COLEC12: variants seen among roughly 807,000 people sequenced by gnomAD.
The protein encoded by COLEC12 is collectin-12.
A neutral mutation model predicts 71.1 loss-of-function variants in COLEC12; 33 were observed. That is an observed-to-expected ratio of 0.46 (90% CI 0.35 to 0.62). The LOEUF (loss-of-function observed/expected upper bound fraction) is 0.62, where lower values mean the gene tolerates loss of function less well. COLEC12 is among the 20% of genes least tolerant of loss of function. COLEC12 has a pLI of 0.00. For synonymous variants in COLEC12, 350 were observed against 353.0 expected (o/e 0.99, Z 0.10); for missense variants, 765 against 916.1 (o/e 0.84, Z 2.13).
chr18:445,635 C>CTTTTTTT (rs35766404), intron 2 of COLEC12, among the ~76,000 whole-genome samples: 1,934 of 137,342 alleles, frequency 0.014, 91 homozygotes, highest in African/African-American at 0.049. Context: ...CACTAATCCA[C>CTTTTTTT]TTTTTTTTTT....
chr18:332,030 C>A (rs983816994), intron 7 of COLEC12, among the ~76,000 whole-genome samples: 4 of 152,172 alleles, frequency 2.6e-5, no homozygotes, highest in Non-Finnish European at 4.4e-5. Flanking sequence ...ATCACTCAGA[C>A]AACCCAGTGA....
At chr18:329,091 A>C (rs1913911280) in intron 8 of COLEC12, among the ~76,000 whole-genome samples, 1 of 152,168 alleles carries the variant, frequency 6.6e-6, no homozygotes, top group Non-Finnish European at 1.5e-5. Flanking sequence ...CTGGGTGCCC[A>C]GTAAGGTGTC....
At chr18:413,142 AC>A (rs376114747) in intron 2 of COLEC12, among the ~76,000 whole-genome samples, 9 of 152,366 alleles carry the variant, frequency 5.9e-5, no homozygotes, top group African/African-American at 2.2e-4. Context: ...AAAGGAATTA[AC>A]TGAACGACAA....
chr18:347,611 G>A (rs988076965), intron 4 of COLEC12, among the ~76,000 whole-genome samples: 1 of 152,072 alleles, frequency 6.6e-6, no homozygotes, highest in African/African-American at 2.4e-5. Flanking sequence ...TTAGGGCAGT[G>A]GGCAGGCTGT....
intron 2 of COLEC12, among the ~76,000 whole-genome samples, chr18:372,397 G>A (rs1915019490): frequency 6.6e-6 from 1 of 152,022 alleles, no homozygotes; most frequent in Non-Finnish European, 1.5e-5. Flanking sequence ...CATTTTGGAG[G>A]GTATAACTGA....
chr18:381,997 C>G (rs11662068), intron 2 of COLEC12, among the ~76,000 whole-genome samples: 89,886 of 151,790 alleles, frequency 0.59, 27,202 homozygotes, highest in East Asian at 0.64. Context: ...TGATCTCTTA[C>G]AGACTTAAAA....
chr18:494,988 A>G (rs1350244815), intron 1 of COLEC12, among the ~76,000 whole-genome samples: 3 of 152,212 alleles, frequency 2.0e-5, no homozygotes, highest in African/African-American at 7.2e-5. Flanking sequence ...TATTTTTAAG[A>G]GTATTGATGG....
chr18:401,809 C>G (rs1915692476), intron 2 of COLEC12, among the ~76,000 whole-genome samples: 1 of 152,162 alleles, frequency 6.6e-6, no homozygotes, highest in African/African-American at 2.4e-5. Context: ...TTCAAGCCCT[C>G]TCTCTTCAGG....
At chr18:488,128 G>A (rs1917553070) in intron 1 of COLEC12, among the ~76,000 whole-genome samples, 1 of 152,056 alleles carries the variant, frequency 6.6e-6, no homozygotes, top group Non-Finnish European at 1.5e-5. Flanking sequence ...CAGAGAAAAA[G>A]GGCTGGGCAC....
chr18:368,973 T>A (rs1914933496), intron 2 of COLEC12, among the ~76,000 whole-genome samples: 1 of 152,246 alleles, frequency 6.6e-6, no homozygotes, highest in Admixed American at 6.5e-5. Context: ...TACTGACTGG[T>A]GACCCCCAAT....
At chr18:499,397 G>A (rs185262347) in intron 1 of COLEC12, among the ~76,000 whole-genome samples, 163 of 152,290 alleles carry the variant, frequency 1.1e-3, no homozygotes, top group African/African-American at 3.8e-3. Context: ...TAGTTCCGCG[G>A]GAGCTGCCCT....
chr18:361,637 C>T (rs1223718272), intron 2 of COLEC12, among the ~76,000 whole-genome samples: 1 of 152,180 alleles, frequency 6.6e-6, no homozygotes, highest in Non-Finnish European at 1.5e-5. Flanking sequence ...TGAAAAAAGA[C>T]TCTTTACATC....
chr18:441,187 G>A lies in COLEC12; in HGVS notation c.58+39520C>T, dbSNP rs370232269. On this transcript the variant is annotated intron_variant, in intron 2 of 9. Coordinates refer to ENST00000400256, the MANE Select transcript of COLEC12 (RefSeq NM_130386.3). ...GGCGTGAACCCGGGAGGCGGAGCTT[G>A]CAGTGAGCCGAGATTGTGCCACTGC... Among the ~76,000 whole-genome samples, 169 of 149,894 alleles carry A rather than the reference G, an allele frequency of 1.1e-3. 4 individuals are homozygous for A. In the East Asian group the frequency reaches 0.028, roughly 25 times the overall value.
chr18:413,228 C>T (rs28760031), intron 2 of COLEC12, among the ~76,000 whole-genome samples: 7 of 152,086 alleles, frequency 4.6e-5, no homozygotes, highest in African/African-American at 1.4e-4. Flanking sequence ...AGATGGATGG[C>T]AAATAAACAC....
intron 1 of COLEC12, among the ~76,000 whole-genome samples, chr18:498,067 A>AACTG (rs1917745426): frequency 6.6e-6 from 1 of 152,162 alleles, no homozygotes; most frequent in South Asian, 2.1e-4. Context: ...CACACGGGGT[A>AACTG]ACTGACAAGG....
At position 321,755 on chromosome 18, in the gene COLEC12, C is replaced by T; in HGVS notation, c.2116G>A (p.Glu706Lys). 3.1e-6 allele frequency: 5 copies of T among 1,614,266 alleles called. No individual in the cohort carries two copies. The highest frequency in any genetic ancestry group is 3.4e-6 in the Non-Finnish European group (4 of 1,180,038). ...GCATAAATCAACCCAGCACAGTCTT[C>T]TCCTGGCCCATGGCCATGACCCCAG... ...DNWGHGHGPG[E>K]DCAGLIYAGQ... is the part of the protein sequence containing the mutation. Residue 706 changes from glutamate (E) to lysine (K), a missense_variant, in exon 9 of 10, where the codon GAA (glutamate) becomes AAA (lysine). Physicochemically the swap from Glu to Lys is moderately conservative, Grantham distance 56. Transcript: ENST00000400256.
intron 2 of COLEC12, among the ~76,000 whole-genome samples, chr18:448,212 G>T (rs780615481): frequency 6.6e-6 from 1 of 152,112 alleles, no homozygotes; most frequent in Non-Finnish European, 1.5e-5. Context: ...TGTCATCATC[G>T]TGGGATAAAC....
intron 4 of COLEC12, among the ~76,000 whole-genome samples, 173 bp from the exon 5 acceptor site, chr18:347,514 T>G (rs953569301): frequency 1.3e-5 from 2 of 152,198 alleles, no homozygotes; most frequent in African/African-American, 4.8e-5. Flanking sequence ...AACTGGGTCC[T>G]GGGGAATCGG....
chr18:403,631 T>G (rs1315968103), intron 2 of COLEC12, among the ~76,000 whole-genome samples: 4 of 152,274 alleles, frequency 2.6e-5, no homozygotes, highest in Non-Finnish European at 5.9e-5. Flanking sequence ...ATCCTTCTTA[T>G]TTCTTTTGAG....
Sources: gnomAD v4.1 joint callset for allele counts (sites outside exome capture counted in the v4.1 genomes callset) on GRCh38, gnomAD v4.1.1 for gene constraint, MANE v1.5 for transcripts, NCBI Gene and HGNC (gene_info 2026-07-23, HGNC 2026-07-21) for gene names.